MAST4: variants seen among roughly 807,000 people sequenced by gnomAD.
MAST4 encodes the protein microtubule associated serine/threonine kinase family member 4.
Under a neutral mutation model 162.7 loss-of-function variants are expected in MAST4, and 89 were observed. The observed-to-expected ratio is 0.55, with a 90% CI of 0.46 to 0.65. The LOEUF is 0.65. MAST4 is among the 30% of genes least tolerant of loss of function. MAST4 has a pLI of 0.00. For missense variants in MAST4, 3,153 were observed against 3,374.0 expected (o/e 0.93, Z 1.62); for synonymous variants, 1,479 against 1,361.1 (o/e 1.09, Z -1.91).
intron 1 of MAST4, among the ~76,000 whole-genome samples, chr5:66,705,040 T>C (rs930298162): frequency 1.1e-4 from 17 of 152,256 alleles, no homozygotes; most frequent in African/African-American, 4.1e-4. Context: ...GCCACAGAAA[T>C]TGTTGCTCCA....
intron 4 of MAST4, among the ~76,000 whole-genome samples, chr5:67,039,656 C>G (rs1379581347): frequency 6.6e-6 from 1 of 152,166 alleles, no homozygotes; most frequent in Non-Finnish European, 1.5e-5. Context: ...CTGAAAGTGA[C>G]TGAAACCACA....
intron 3 of MAST4, among the ~76,000 whole-genome samples, chr5:66,859,266 C>G (rs1759911356): frequency 6.6e-6 from 1 of 152,140 alleles, no homozygotes; most frequent in Non-Finnish European, 1.5e-5. Context: ...TTTCTGTGAT[C>G]TGTTAGACAT....
chr5:66,995,106 G>T (rs530293132), intron 4 of MAST4, among the ~76,000 whole-genome samples: 126 of 152,276 alleles, frequency 8.3e-4, no homozygotes, highest in African/African-American at 2.9e-3. Context: ...TTTATATCTA[G>T]AAATCAGAGA....
chr5:66,813,784 G>C (rs1363081405), intron 3 of MAST4, among the ~76,000 whole-genome samples: 1 of 152,184 alleles, frequency 6.6e-6, no homozygotes, highest in African/African-American at 2.4e-5. Context: ...GCTTGAAACA[G>C]AAAAATGAGT....
intron 4 of MAST4, among the ~76,000 whole-genome samples, chr5:66,947,242 A>G (rs1021721793): frequency 3.3e-5 from 5 of 152,056 alleles, no homozygotes; most frequent in South Asian, 2.1e-4. Context: ...TTTTTTCTGC[A>G]TGACTTTTAT....
chr5:66,748,424 C>CCTCT (rs1752907989), intron 1 of MAST4, among the ~76,000 whole-genome samples: 4 of 128,328 alleles, frequency 3.1e-5, no homozygotes, highest in Non-Finnish European at 5.0e-5. Flanking sequence ...TCCCTTCCTT[C>CCTCT]CTCCCTCCCT....
chr5:67,071,691 C>CGAA (rs1436346480), intron 5 of MAST4, among the ~76,000 whole-genome samples: 3 of 152,002 alleles, frequency 2.0e-5, no homozygotes, highest in Non-Finnish European at 2.9e-5. Context: ...ACACGGGAGG[C>CGAA]GAAGGTTACA....
intron 3 of MAST4, among the ~76,000 whole-genome samples, chr5:66,812,669 T>C (rs1469338964): frequency 1.3e-5 from 2 of 152,124 alleles, no homozygotes; most frequent in Non-Finnish European, 2.9e-5. Context: ...AATGTGTGGA[T>C]TTTGCACATT....
chr5:66,980,929 C>G (rs1321724713), intron 4 of MAST4, among the ~76,000 whole-genome samples: 1 of 152,148 alleles, frequency 6.6e-6, no homozygotes, highest in African/African-American at 2.4e-5. Context: ...TAACAAGTCA[C>G]CCCCTCTTAC....
chr5:66,895,731 C>A (rs558325850), intron 3 of MAST4, among the ~76,000 whole-genome samples: 1 of 152,222 alleles, frequency 6.6e-6, no homozygotes, highest in East Asian at 1.9e-4. Flanking sequence ...TTAAATATTA[C>A]CTTAAAGTAA....
intron 5 of MAST4, among the ~76,000 whole-genome samples, chr5:67,081,632 G>C (rs1762667203): frequency 6.6e-6 from 1 of 152,156 alleles, no homozygotes. Context: ...TCATTTAAAT[G>C]GGGTGGGCCA....
At chr5:66,917,786 AC>A (rs1048412686) in intron 4 of MAST4, among the ~76,000 whole-genome samples, 1 of 152,088 alleles carries the variant, frequency 6.6e-6, no homozygotes, top group Non-Finnish European at 1.5e-5. Context: ...TGTTTTGAAT[AC>A]ACTGGCTTTT....
chr5:66,933,481 T>A (rs1407242222), intron 4 of MAST4, among the ~76,000 whole-genome samples: 1 of 152,220 alleles, frequency 6.6e-6, no homozygotes, highest in African/African-American at 2.4e-5. Flanking sequence ...TCTTACAAAC[T>A]ATTCTTATTC....
At chr5:66,928,051 T>C (rs1765036693) in intron 4 of MAST4, among the ~76,000 whole-genome samples, 1 of 152,194 alleles carries the variant, frequency 6.6e-6, no homozygotes, top group Admixed American at 6.5e-5. Context: ...GTTATATTGA[T>C]TTAGTGTCCA....
At chr5:67,080,838 G>A (rs1762507446) in intron 5 of MAST4, among the ~76,000 whole-genome samples, 1 of 149,828 alleles carries the variant, frequency 6.7e-6, no homozygotes, top group African/African-American at 2.4e-5. Flanking sequence ...ATTCATGTTT[G>A]TTAGATATGA....
At chr5:66,781,607 T>C (rs537418651) in intron 2 of MAST4, among the ~76,000 whole-genome samples, 1 of 152,298 alleles carries the variant, frequency 6.6e-6, no homozygotes, top group African/African-American at 2.4e-5. Context: ...CAGCTTCCCC[T>C]TTTCCTGGTT....
chr5:67,028,660 G>T (rs1754957970), intron 4 of MAST4, among the ~76,000 whole-genome samples: 1 of 152,154 alleles, frequency 6.6e-6, no homozygotes, highest in African/African-American at 2.4e-5. Flanking sequence ...GCTTTAGCCT[G>T]TTAGACAATG....
chr5:66,691,178 A>G (rs547994671), intron 1 of MAST4, among the ~76,000 whole-genome samples: 17 of 152,296 alleles, frequency 1.1e-4, no homozygotes, highest in African/African-American at 4.1e-4. Context: ...TTCTTCCTAC[A>G]AATTTTATAT....
chr5:66,807,635 C>G (rs532001671), intron 3 of MAST4, among the ~76,000 whole-genome samples: 1 of 152,192 alleles, frequency 6.6e-6, no homozygotes, highest in South Asian at 2.1e-4. Context: ...TGATCTCTTC[C>G]CACTCATTCC....
Sources: allele counts gnomAD v4.1 joint callset (sites outside exome capture counted in the v4.1 genomes callset), GRCh38; gene constraint gnomAD v4.1.1; transcripts MANE v1.5; gene names NCBI Gene and HGNC (gene_info 2026-07-23, HGNC 2026-07-21).